Variants in CASD1 observed in about 807,000 individuals in gnomAD.
CASD1 encodes CAS1 domain sialic acid O acetyltransferase 1.
In CASD1, 41 loss-of-function variants were observed where a neutral mutation model predicts 100.0. That is an observed-to-expected ratio of 0.41 (90% CI 0.32 to 0.53). CASD1 has a LOEUF of 0.53. Among genes scored for constraint, CASD1 ranks in the 20% least tolerant of loss-of-function variants. CASD1 has a pLI of 0.25. For synonymous variants in CASD1, 321 were observed against 315.6 expected (o/e 1.02, Z -0.18); for missense variants, 774 against 948.7 (o/e 0.82, Z 2.42).
the CASD1 span, among the ~76,000 whole-genome samples, chr7:94,570,977 A>G: frequency 6.6e-6 from 1 of 151,414 alleles, no homozygotes; most frequent in Non-Finnish European, 1.5e-5. Context: ...ATTTCTTGTA[A>G]GACAGGTCTA....
At chr7:94,617,893 A>C in the CASD1 span, 1 of 152,230 alleles carries the variant, frequency 6.6e-6, no homozygotes, top group Non-Finnish European at 1.5e-5. Flanking sequence ...TCTAGATATC[A>C]CCTGTATAAA....
the CASD1 span, among the ~76,000 whole-genome samples, chr7:94,603,772 A>T: frequency 0.076 from 11,577 of 152,208 alleles, 1,503 homozygotes; most frequent in African/African-American, 0.26. Flanking sequence ...TATATTTAGT[A>T]ATTACTATAT....
downstream of CASD1, among the ~76,000 whole-genome samples, chr7:94,560,325 C>T (rs1796319521): frequency 6.6e-6 from 1 of 152,116 alleles, no homozygotes. Flanking sequence ...ACTTTCTTTC[C>T]TTGACCCCTT....
chr7:94,533,940 CTTGAG>C (rs879311541), intron 7 of CASD1, 138 bp downstream of exon 7: 4 of 745,994 alleles, frequency 5.4e-6, no homozygotes, highest in South Asian at 6.9e-5. Flanking sequence ...TTAGAGTACA[CTTGAG>C]TTATTTGCTC....
chr7:94,519,644 A>T (rs1258869639), intron 3 of CASD1, among the ~76,000 whole-genome samples: 1 of 152,102 alleles, frequency 6.6e-6, no homozygotes, highest in Non-Finnish European at 1.5e-5. Context: ...AAAGTGAAAA[A>T]TTTTAATAAA....
In CASD1 at chr7:94,527,060, C is replaced by T. The variant is rs564575534; in HGVS notation, c.352-102C>T. 180 of 878,206 alleles carry T rather than the reference C, an allele frequency of 2.0e-4. 1 individual carries two copies. The highest frequency in any genetic ancestry group is 4.0e-4 in the South Asian group (24 of 59,948). 54.4% of individuals were successfully genotyped at this position (878,206 alleles called of 1,614,324 possible). The stretch of plus-strand genomic sequence containing the variant: ...TGAGATTTGGTGCATAAAAATATAT[C>T]AACAAAAATATGCATAAAAATAAAT... On this transcript the variant is annotated intron_variant, in intron 3 of 17. Coordinates refer to ENST00000297273, the MANE Select transcript of CASD1 (RefSeq NM_022900.5).
At chr7:94,582,436 A>C in the CASD1 span, among the ~76,000 whole-genome samples, 1 of 151,758 alleles carries the variant, frequency 6.6e-6, no homozygotes, top group African/African-American at 2.4e-5. Flanking sequence ...TTTTTTTCAT[A>C]TGTTTTTTGG....
At chr7:94,601,438 A>C in the CASD1 span, among the ~76,000 whole-genome samples, 1 of 125,626 alleles carries the variant, frequency 8.0e-6, no homozygotes, top group Non-Finnish European at 1.6e-5. Context: ...ATTCTATCCC[A>C]GTATCAAAAA....
chr7:94,539,348 T>C (rs1795271433), intron 10 of CASD1, among the ~76,000 whole-genome samples: 1 of 152,172 alleles, frequency 6.6e-6, no homozygotes, highest in Non-Finnish European at 1.5e-5. Flanking sequence ...TGCCATCTTA[T>C]TGAACAGCTA....
the CASD1 span, among the ~76,000 whole-genome samples, chr7:94,575,840 T>C: frequency 6.6e-6 from 1 of 152,340 alleles, no homozygotes; most frequent in Non-Finnish European, 1.5e-5. Flanking sequence ...TGATGAGAAA[T>C]CCACTGTTAA....
In CASD1 at chr7:94,528,214, T is replaced by C. The variant is rs150000138; in HGVS notation, c.423T>C (p.Asn141=). 6.2e-7 allele frequency: 1 copy of C among 1,609,984 alleles called. No individual in the cohort carries two copies. Among genetic ancestry groups the C allele is most frequent in the Non-Finnish European group, 8.5e-7 (1 of 1,178,184 alleles). ...KVDFLWHPEV[N]GSMKQCIKVW... The stretch of plus-strand genomic sequence containing the variant: ...ATTTTCTGTGGCATCCTGAAGTTAA[T>C]GGTTCTATGAAACAGTGTATCAAAG... The change falls in exon 5 of 18, where the codon AAT becomes AAC. Residue 141 remains asparagine (N), a synonymous_variant. Transcript: ENST00000297273.
Position 94,516,498 on chromosome 7 carries a change from C to T in CASD1, c.134-1062C>T, listed in dbSNP as rs183104097. ...TCTGCAGTATTCTTCCTCCCAGACT[C>T]CTTAGCCCGACTTTAACTAAATGTC... On this transcript the variant is annotated intron_variant, in intron 1 of 17. Coordinates refer to ENST00000297273, the MANE Select transcript of CASD1 (RefSeq NM_022900.5). 4.6e-3 allele frequency among the ~76,000 whole-genome samples: 704 copies of T among 152,280 alleles called. 3 individuals carry two copies. The highest frequency in any genetic ancestry group is 0.016 in the African/African-American group (667 of 41,556).
At chr7:94,579,218 T>TAAAAAAAAA in the CASD1 span, among the ~76,000 whole-genome samples, 2 of 136,022 alleles carry the variant, frequency 1.5e-5, no homozygotes, top group Admixed American at 7.4e-5. Context: ...TTTTAAATGT[T>TAAAAAAAAA]AAAAAAAAAA....
At chr7:94,573,736 ATTGT>A in the CASD1 span, among the ~76,000 whole-genome samples, 8 of 152,064 alleles carry the variant, frequency 5.3e-5, no homozygotes, top group African/African-American at 1.9e-4. Flanking sequence ...CTCTTGCTTG[ATTGT>A]TCTGGCTAGG....
chr7:94,544,358 C>A, intron 10 of CASD1, 53 bp from the exon 11 acceptor site: 1 of 1,598,708 alleles, frequency 6.3e-7, no homozygotes, highest in South Asian at 1.1e-5. Flanking sequence ...TTATGATAAT[C>A]CAAGGTGTAG....
At chr7:94,545,728 G>A (rs1795645694) in intron 12 of CASD1, 27 bp downstream of exon 12, 2 of 1,449,744 alleles carry the variant, frequency 1.4e-6, no homozygotes, top group Non-Finnish European at 1.9e-6. Flanking sequence ...ACTAATGTTA[G>A]TAAATATATT....
the CASD1 span, among the ~76,000 whole-genome samples, chr7:94,596,086 C>T: frequency 1.9e-4 from 29 of 152,046 alleles, no homozygotes; most frequent in African/African-American, 5.8e-4. Context: ...CTTAAAAATA[C>T]GTATGTGTTT....
At chr7:94,514,404 A>G (rs1042111004) in intron 1 of CASD1, among the ~76,000 whole-genome samples, 2 of 152,180 alleles carry the variant, frequency 1.3e-5, no homozygotes, top group East Asian at 1.9e-4. Context: ...TCTATGGACT[A>G]TACTGTAAAC....
At chr7:94,586,165 G>T in the CASD1 span, among the ~76,000 whole-genome samples, 13 of 147,346 alleles carry the variant, frequency 8.8e-5, no homozygotes, top group African/African-American at 3.3e-4. Flanking sequence ...TATCCAAGAC[G>T]CAAACTCTTG....
Sources: gnomAD v4.1 joint callset for allele counts (sites outside exome capture counted in the v4.1 genomes callset) on GRCh38, gnomAD v4.1.1 for gene constraint, MANE v1.5 for transcripts, NCBI Gene and HGNC (gene_info 2026-07-23, HGNC 2026-07-21) for gene names.